GOLM2: variants seen among roughly 807,000 people sequenced by gnomAD.
The protein encoded by GOLM2 is golgi membrane protein 2.
In GOLM2, 26 loss-of-function variants were observed where a neutral mutation model predicts 55.9. The observed-to-expected ratio is 0.47, with a 90% confidence interval of 0.34 to 0.65. The LOEUF is 0.65. Ranked by LOEUF, GOLM2 falls within the 30% of genes least tolerant of loss-of-function variation. The pLI is 0.01. For synonymous variants in GOLM2, 165 were observed against 194.6 expected (o/e 0.85, Z 1.27); for missense variants, 486 against 531.8 (o/e 0.91, Z 0.85).
At chr15:44,385,220 A>C (rs2141197993) in intron 8 of GOLM2, among the ~76,000 whole-genome samples, 1 of 152,286 alleles carries the variant, frequency 6.6e-6, no homozygotes, top group Non-Finnish European at 1.5e-5. Flanking sequence ...GTCATATGAT[A>C]GTTCTATGTT....
chr15:44,296,470 GGGAAAA>G (rs1449766044), intron 1 of GOLM2, among the ~76,000 whole-genome samples: 1 of 152,030 alleles, frequency 6.6e-6, no homozygotes, highest in Non-Finnish European at 1.5e-5. Flanking sequence ...TAGTTGAATG[GGGAAAA>G]GGTCATATGT....
At chr15:44,362,257 C>T (rs974911231) in intron 6 of GOLM2, among the ~76,000 whole-genome samples, 15 of 151,920 alleles carry the variant, frequency 9.9e-5, no homozygotes, top group African/African-American at 3.4e-4. Flanking sequence ...TCAAATTGTC[C>T]CTGTTTGCAG....
chr15:44,301,714 G>A (rs2078798908), intron 1 of GOLM2, among the ~76,000 whole-genome samples: 1 of 152,236 alleles, frequency 6.6e-6, no homozygotes, highest in South Asian at 2.1e-4. Flanking sequence ...GGTTCCAGAT[G>A]TAGAATGTTG....
intron 1 of GOLM2, among the ~76,000 whole-genome samples, chr15:44,319,838 C>T (rs1430743824): frequency 6.6e-6 from 1 of 152,214 alleles, no homozygotes; most frequent in Non-Finnish European, 1.5e-5. Flanking sequence ...ATCTGCCTGC[C>T]TCAGCCTCCC....
chr15:44,369,168 C>G (rs1347524063), intron 6 of GOLM2, among the ~76,000 whole-genome samples: 1 of 123,100 alleles, frequency 8.1e-6, no homozygotes, highest in African/African-American at 3.0e-5. Context: ...GCTCTCAGCC[C>G]TATATCATTT....
chr15:44,350,066 A>T (rs1281510382), intron 6 of GOLM2, among the ~76,000 whole-genome samples: 2 of 152,212 alleles, frequency 1.3e-5, no homozygotes, highest in African/African-American at 4.8e-5. Context: ...AAACAACCTA[A>T]CAATGCATCC....
At chr15:44,307,423 A>T (rs2078846365) in intron 1 of GOLM2, 1 of 152,248 alleles carries the variant, frequency 6.6e-6, no homozygotes, top group South Asian at 2.1e-4. Context: ...AGTGTTAGCC[A>T]GGATGGTCTC....
chr15:44,379,818 T>A (rs1334457375), intron 7 of GOLM2, 30 bp downstream of exon 7: 3 of 1,287,548 alleles, frequency 2.3e-6, no homozygotes, highest in Non-Finnish European at 3.4e-6. Flanking sequence ...TAATTCCATT[T>A]GAAACCAACT....
At chr15:44,369,068 TA>T (rs1567037141) in intron 6 of GOLM2, among the ~76,000 whole-genome samples, 536 of 5,832 alleles carry the variant, frequency 0.092, 39 homozygotes, top group African/African-American at 0.22. Flanking sequence ...TAGGATATAT[TA>T]TATATATATA....
Position 44,288,962 on chromosome 15 carries a change from C to A in GOLM2, c.-68C>A. 1.4e-6 allele frequency: 2 copies of A among 1,444,186 alleles called. No homozygotes were observed. The highest frequency in any genetic ancestry group is 9.4e-7 in the Non-Finnish European group (1 of 1,064,070). The allele number at this position is 1,444,186 out of a possible 1,614,324, so 89.5% of individuals were successfully genotyped here. A position where few individuals can be genotyped will look rare whatever the true frequency, so the allele number is the denominator to read the frequency against. On this transcript the variant is annotated 5_prime_UTR_variant, in exon 1 of 10. Transcript: ENST00000299957. ...GGCCGTGTCCGCCGGGCAACTCCAG[C>A]CGAGGCCTGGGCTTCTGCCTGCAGG...
At chr15:44,318,109 G>A (rs2078923620) in intron 1 of GOLM2, among the ~76,000 whole-genome samples, 1 of 152,120 alleles carries the variant, frequency 6.6e-6, no homozygotes, top group Admixed American at 6.5e-5. Context: ...CATACAATAT[G>A]TAAACAAATT....
intron 4 of GOLM2, among the ~76,000 whole-genome samples, chr15:44,334,839 G>A (rs1179654580): frequency 6.6e-6 from 1 of 152,106 alleles, no homozygotes; most frequent in Admixed American, 6.5e-5. Flanking sequence ...AGACCAACCT[G>A]GCCAACATGG....
intron 6 of GOLM2, among the ~76,000 whole-genome samples, chr15:44,340,715 T>C (rs577148044): frequency 1.3e-5 from 2 of 152,350 alleles, no homozygotes; most frequent in African/African-American, 4.8e-5. Context: ...GCTCTCCTAG[T>C]GATTTTGATC....
intron 6 of GOLM2, among the ~76,000 whole-genome samples, chr15:44,361,372 C>G (rs552546823): frequency 0.012 from 1,633 of 139,294 alleles, 19 homozygotes; most frequent in African/African-American, 0.041. Context: ...ATATCACCAC[C>G]GATCCCACAG....
intron 6 of GOLM2, 51 bp from the exon 7 acceptor site, chr15:44,379,637 TTA>T: frequency 5.4e-6 from 4 of 736,310 alleles, no homozygotes; most frequent in East Asian, 2.8e-5. Context: ...TTTTTTTTTT[TTA>T]GAAATCATAG....
rs181337287 is a variant in GOLM2, at chr15:44,378,083, C to G, written c.803-1607C>G. On this transcript the variant is annotated intron_variant, in intron 6 of 9. Transcript: ENST00000299957. ...TATTTTTTTGAGACGGAGTCTTGCT[C>G]TGTCACCCAGGCTGGAGTGCAGTGG... Among the ~76,000 whole-genome samples the G allele has an allele frequency of 2.7e-3, 406 of 150,906 alleles. 2 individuals are homozygous for G. Among genetic ancestry groups the G allele is most frequent in the Non-Finnish European group, 4.3e-3 (288 of 67,732 alleles).
chr15:44,342,735 C>T (rs571388877), intron 6 of GOLM2, among the ~76,000 whole-genome samples: 13 of 152,234 alleles, frequency 8.5e-5, no homozygotes, highest in South Asian at 8.3e-4. Context: ...GATGCAAACA[C>T]GAAGGAAAGC....
intron 8 of GOLM2, among the ~76,000 whole-genome samples, chr15:44,386,941 G>A (rs963755194): frequency 2.0e-5 from 3 of 151,622 alleles, no homozygotes; most frequent in African/African-American, 4.8e-5. Context: ...TTGGGAGGCC[G>A]AGGCAGGCAG....
At chr15:44,401,809 T>G (rs974330657) in intron 8 of GOLM2, among the ~76,000 whole-genome samples, 4 of 151,830 alleles carry the variant, frequency 2.6e-5, no homozygotes, top group African/African-American at 4.8e-5. Flanking sequence ...AGGTATTATG[T>G]CTATTTATCT....
Sources: gnomAD v4.1 joint callset for allele counts (sites outside exome capture counted in the v4.1 genomes callset) on GRCh38, gnomAD v4.1.1 for gene constraint, MANE v1.5 for transcripts, NCBI Gene and HGNC (gene_info 2026-07-23, HGNC 2026-07-21) for gene names.